The following ATP1A1 variants were observed in gnomAD, a reference collection of about 807,000 sequenced individuals.
The protein encoded by ATP1A1 is ATPase Na+/K+ transporting subunit alpha 1.
ATP1A1 carries 14 observed loss-of-function variants against 114.8 expected under a neutral mutation model. The ratio of observed to expected loss-of-function variants is 0.12; its 90% CI spans 0.08 to 0.19. The LOEUF (loss-of-function observed/expected upper bound fraction) is 0.19, where lower values mean the gene tolerates loss of function less well. ATP1A1 is among the 10% of genes least tolerant of loss of function. The pLI is 1.00. For missense variants in ATP1A1, 524 were observed against 1,290.7 expected (o/e 0.41, Z 9.10); for synonymous variants, 471 against 466.3 (o/e 1.01, Z -0.13).
intron 10 of ATP1A1, chr1:116,392,408 AC>A (rs1191540916): frequency 6.5e-6 from 1 of 153,154 alleles, no homozygotes; most frequent in Admixed American, 6.5e-5. Context: ...GCATTTTCTT[AC>A]GAATTCTACG....
chr1:116,375,693 T>C (rs930827734), intron 1 of ATP1A1, among the ~76,000 whole-genome samples: 4 of 152,230 alleles, frequency 2.6e-5, no homozygotes, highest in African/African-American at 7.2e-5. Context: ...CTGTGACTTA[T>C]TGTGAGCGTC....
chr1:116,376,341 C>G (rs1570939608), intron 1 of ATP1A1, among the ~76,000 whole-genome samples: 1 of 152,186 alleles, frequency 6.6e-6, no homozygotes, highest in African/African-American at 2.4e-5. Flanking sequence ...ATCAGCTGCC[C>G]TTTTGGAGCT....
chr1:116,384,053 C>G lies in ATP1A1; in HGVS notation c.52C>G (p.Gln18Glu). The change falls in exon 2 of 23, where the codon CAA (glutamine) becomes GAA (glutamate). Residue 18 changes from glutamine (Q) to glutamate (E), a missense_variant. Around this residue, in one of 8 missense-constraint regions of ATP1A1, gnomAD observed 33 missense variants for 31.2 expected, o/e 1.06. Transcript: ENST00000295598. This position sits in a 1 kb window ranked among gnomAD's most constrained non-coding sequence, Gnocchi z 5.1. ...GTATGAGCCTGCAGCTGTTTCAGAA[C>G]AAGGTGATAAAAAGGGCAAAAAGGG... ...DKYEPAAVSE[Q>E]GDKKGKKGKK... The G allele has an allele frequency of 6.2e-7, 1 of 1,613,942 alleles. No homozygotes were observed. The highest frequency in any genetic ancestry group is 2.2e-5 in the East Asian group (1 of 44,860).
chr1:116,377,475 A>G (rs985073143), intron 1 of ATP1A1, among the ~76,000 whole-genome samples: 1 of 152,262 alleles, frequency 6.6e-6, no homozygotes, highest in Non-Finnish European at 1.5e-5. Context: ...TGCCCTTCAT[A>G]GGAAAGTCAA....
At position 116,396,707 on chromosome 1, in the gene ATP1A1, A is replaced by G. The variant is rs1395827507; in HGVS notation, c.1946A>G (p.Asn649Ser). 3 of 1,594,676 alleles carry G rather than the reference A, an allele frequency of 1.9e-6. No homozygotes were observed. The South Asian group carries it at 3.4e-5, about 18-fold the overall frequency. Residue 649 changes from asparagine (N) to serine (S), a missense_variant, in exon 14 of 23, where the codon AAC becomes AGC. By Grantham distance (46) the Asn-to-Ser change is conservative. Around this residue, in one of 8 missense-constraint regions of ATP1A1, gnomAD observed 47 missense variants for 79.8 expected, o/e 0.59. Coordinates refer to ENST00000295598, the MANE Select transcript of ATP1A1 (RefSeq NM_000701.8). ...GTGGAAGACATTGCTGCCCGCCTCA[A>G]CATCCCAGTCAGCCAGGTGAACCCC... Reference protein sequence around the residue: ...ETVEDIAARLNIPVSQVNPRD... With the variant: ...ETVEDIAARLSIPVSQVNPRD...
rs1652187984 is a variant in ATP1A1, at chr1:116,387,609, AATGGTT to A, written c.387+122_387+127del. On this transcript the variant is annotated intron_variant, in intron 4 of 22. Transcript: ENST00000295598. The surrounding 1 kb of genome is among the most constrained non-coding windows in gnomAD (Gnocchi z 6.7). ...CTTAATGGTTATGAACTCATTACTT[AATGGTT>A]ATGAACAGCTGTTGCCTTCAAGGCT... 6 of 1,140,342 alleles carry A rather than the reference AATGGTT, an allele frequency of 5.3e-6. No homozygotes were observed. Among genetic ancestry groups the A allele is most frequent in the Non-Finnish European group, 7.4e-6 (6 of 806,666 alleles). 70.6% of individuals were successfully genotyped at this position (1,140,342 alleles called of 1,614,324 possible). A position where few individuals can be genotyped will look rare whatever the true frequency, so the allele number is the denominator to read the frequency against.
At chr1:116,373,918 C>G in intron 1 of ATP1A1, 1 of 1,310,688 alleles carries the variant, frequency 7.6e-7, no homozygotes, top group Non-Finnish European at 9.7e-7. Context: ...CCTGGCTCCC[C>G]TCCCTGCGAC....
At position 116,399,559 on chromosome 1, in the gene ATP1A1, G is replaced by T. The variant is rs781575872; in HGVS notation, c.2572+16G>T. ...GGGCAGATTGGTAAGCTGCAGCCTG[G>T]AGTGGGAAGCTGGCACATCTAAGGC... On this transcript the variant is annotated intron_variant, in intron 18 of 22. Transcript: ENST00000295598. The surrounding 1 kb of genome is among the most constrained non-coding windows in gnomAD (Gnocchi z 5.0). 3 of 1,613,660 alleles carry T rather than the reference G, an allele frequency of 1.9e-6. No individual in the cohort carries two copies. Among genetic ancestry groups the T allele is most frequent in the South Asian group, 2.2e-5 (2 of 90,982 alleles).
Position 116,396,699 on chromosome 1 carries a change from C to T in ATP1A1, c.1938C>T (p.Ala646=). Residue 646 remains alanine, a synonymous_variant, in exon 14 of 23, where the codon GCC becomes GCT. Coordinates refer to ENST00000295598, the MANE Select transcript of ATP1A1 (RefSeq NM_000701.8). ...ATGAGACCGTGGAAGACATTGCTGC[C>T]CGCCTCAACATCCCAGTCAGCCAGG... ...EGNETVEDIA[A]RLNIPVSQVN... 3 of 1,597,778 alleles carry T rather than the reference C, an allele frequency of 1.9e-6. 1 individual carries two copies. Among genetic ancestry groups the T allele is most frequent in the Middle Eastern group, 3.3e-4 (2 of 6,012 alleles).
Position 116,373,399 on chromosome 1 carries a change from G to A in ATP1A1, c.-113G>A. 1.8e-6 allele frequency: 1 copy of A among 558,244 alleles called. No homozygotes were observed. 34.6% of individuals were successfully genotyped at this position (558,244 alleles called of 1,614,324 possible). A position where few individuals can be genotyped will look rare whatever the true frequency, so the allele number is the denominator to read the frequency against. ...ACCCTCCCGCCCCGCGGCAGCCCTA[G>A]CTCCCTCCACTTGGCTCCCCTGGTC... On this transcript the variant is annotated 5_prime_UTR_variant, in exon 1 of 23. Coordinates refer to ENST00000295598, the MANE Select transcript of ATP1A1 (RefSeq NM_000701.8).
At chr1:116,400,645 G>C (rs1248241820) in intron 18 of ATP1A1, among the ~76,000 whole-genome samples, 1 of 152,166 alleles carries the variant, frequency 6.6e-6, no homozygotes, top group African/African-American at 2.4e-5. Flanking sequence ...GACTCAAAAA[G>C]CAGAGGGCCC....
Position 116,391,213 on chromosome 1 carries a change from TTA to T in ATP1A1, c.1332+326_1332+327del, listed in dbSNP as rs1164158843. Among the ~76,000 whole-genome samples the T allele has an allele frequency of 3.9e-5, 6 of 152,336 alleles. No homozygotes were observed. The East Asian group carries it at 5.8e-4, about 15-fold the overall frequency. ...TCATCTGCTTTTACTACTCTTGAGTTTATATGTTATCACCTAACCTAGTGGAC... is the reference window on the plus strand; with the variant it reads ...TCATCTGCTTTTACTACTCTTGAGTTTATGTTATCACCTAACCTAGTGGAC... On this transcript the variant is annotated intron_variant, in intron 10 of 22. Transcript: ENST00000295598.
At position 116,387,992 on chromosome 1, in the gene ATP1A1, A is replaced by G; in HGVS notation, c.388-139A>G. 1.6e-6 allele frequency: 1 copy of G among 635,490 alleles called. No individual in the cohort carries two copies. The highest frequency in any genetic ancestry group is 2.7e-6 in the Non-Finnish European group (1 of 366,838). The allele number at this position is 635,490 out of a possible 1,614,324, so 39.4% of individuals were successfully genotyped here. On this transcript the variant is annotated intron_variant, in intron 4 of 22. Coordinates refer to ENST00000295598, the MANE Select transcript of ATP1A1 (RefSeq NM_000701.8). This position sits in a 1 kb window ranked among gnomAD's most constrained non-coding sequence, Gnocchi z 6.7. ...TCCTGTGTGGTCTTTAGAAGGATAA[A>G]TAAGAAAACATGAGTTCTATATTTC...
rs1461852823 is a variant in ATP1A1 at position 116,373,391 on chromosome 1, C to A, written c.-121C>A. On this transcript the variant is annotated 5_prime_UTR_variant, in exon 1 of 23. Coordinates refer to ENST00000295598, the MANE Select transcript of ATP1A1 (RefSeq NM_000701.8). ...GCCCTCCCACCCTCCCGCCCCGCGGCAGCCCTAGCTCCCTCCACTTGGCTC... is the reference window on the plus strand; with the variant it reads ...GCCCTCCCACCCTCCCGCCCCGCGGAAGCCCTAGCTCCCTCCACTTGGCTC... The A allele has an allele frequency of 1.2e-5, 6 of 510,284 alleles. No individual in the cohort carries two copies. The highest frequency in any genetic ancestry group is 1.9e-5 in the Non-Finnish European group (6 of 314,314). 31.6% of individuals were successfully genotyped at this position (510,284 alleles called of 1,614,324 possible). A position where few individuals can be genotyped will look rare whatever the true frequency, so the allele number is the denominator to read the frequency against.
At position 116,396,728 on chromosome 1, in the gene ATP1A1, A is replaced by C; in HGVS notation, c.1967A>C (p.Asn656Thr). 6.3e-7 allele frequency: 1 copy of C among 1,577,614 alleles called. No individual in the cohort carries two copies. Among genetic ancestry groups the C allele is most frequent in the Middle Eastern group, 1.7e-4 (1 of 5,892 alleles). Residue 656 changes from asparagine (N) to threonine (T), a missense_variant, in exon 14 of 23, where the codon AAC (asparagine) becomes ACC (threonine). This residue lies in a region of ATP1A1 where 47 missense variants were observed against 79.8 expected (regional missense o/e 0.59). Transcript: ENST00000295598. Reference protein sequence around the residue: ...ARLNIPVSQVNPRDAKACVVH... With the variant: ...ARLNIPVSQVTPRDAKACVVH... Reference sequence around the variant, plus strand: ...CTCAACATCCCAGTCAGCCAGGTGAACCCCAGGTAAGGCAGGAAGCTCAAA... The same window carrying C: ...CTCAACATCCCAGTCAGCCAGGTGACCCCCAGGTAAGGCAGGAAGCTCAAA...
At position 116,384,936 on chromosome 1, in the gene ATP1A1, A is replaced by G. The variant is rs768687756; in HGVS notation, c.183+94A>G. 1 of 1,265,574 alleles carries G rather than the reference A, an allele frequency of 7.9e-7. No individual in the cohort carries two copies. Among genetic ancestry groups the G allele is most frequent in the Admixed American group, 1.8e-5 (1 of 55,148 alleles). The allele number at this position is 1,265,574 out of a possible 1,614,324, so 78.4% of individuals were successfully genotyped here. A position where few individuals can be genotyped will look rare whatever the true frequency, so the allele number is the denominator to read the frequency against. ...ATACAGGTCTAACCTCAGGGGCTCT[A>G]GTAAGAAAATGACAGACACCATCTG... On this transcript the variant is annotated intron_variant, in intron 3 of 22. Transcript: ENST00000295598. The surrounding 1 kb of genome is among the most constrained non-coding windows in gnomAD (Gnocchi z 5.1).
At position 116,392,587 on chromosome 1, in the gene ATP1A1, G is replaced by T. The variant is rs367639908; in HGVS notation, c.1333-267G>T. 4 of 348,430 alleles carry T rather than the reference G, an allele frequency of 1.1e-5. No homozygotes were observed. The South Asian group carries it at 2.6e-4, about 23-fold the overall frequency. The allele number at this position is 348,430 out of a possible 1,614,324, so 21.6% of individuals were successfully genotyped here. On this transcript the variant is annotated intron_variant, in intron 10 of 22. Coordinates refer to ENST00000295598, the MANE Select transcript of ATP1A1 (RefSeq NM_000701.8). ...AGGGTGTGTTAATACCTCTTCTAGG[G>T]AAGGTGACACCTTCCCACACCCTTC... is the stretch of plus-strand genomic sequence containing the variant.
At chr1:116,383,799 G>A (rs767503392) in intron 1 of ATP1A1, among the ~76,000 whole-genome samples, 99 of 152,184 alleles carry the variant, frequency 6.5e-4, no homozygotes, top group Non-Finnish European at 1.3e-3. Flanking sequence ...AATGCTCTTG[G>A]ATGGAGAGAA....
chr1:116,393,430 CT>C lies in ATP1A1; in HGVS notation c.1468-97del. 7.6e-7 allele frequency: 1 copy of C among 1,317,246 alleles called. No individual in the cohort carries two copies. Among genetic ancestry groups the C allele is most frequent in the Non-Finnish European group, 1.0e-6 (1 of 965,894 alleles). The allele number at this position is 1,317,246 out of a possible 1,614,324, so 81.6% of individuals were successfully genotyped here. On this transcript the variant is annotated intron_variant, in intron 11 of 22. Transcript: ENST00000295598. The surrounding 1 kb of genome is among the most constrained non-coding windows in gnomAD (Gnocchi z 5.0). The stretch of plus-strand genomic sequence containing the variant: ...AGTTCAGAAAGAAGGGATCTTGGGT[CT>C]TTTATAGCAAATACTAAATAGTAAG...
Sources: allele counts gnomAD v4.1 joint callset (sites outside exome capture counted in the v4.1 genomes callset), GRCh38; gene constraint gnomAD v4.1.1; regional missense constraint gnomAD v4.1.1; non-coding constraint Gnocchi (gnomAD v3.1); transcripts MANE v1.5; gene names NCBI Gene and HGNC (gene_info 2026-07-23, HGNC 2026-07-21).